The following CD8B variants were observed in gnomAD, a reference collection of about 807,000 sequenced individuals.
The protein encoded by CD8B is CD8 subunit beta, also known as T-cell surface glycoprotein CD8 beta chain.
Under a neutral mutation model 24.2 loss-of-function variants are expected in CD8B, and 6 were observed. The ratio of observed to expected loss-of-function variants is 0.25; its 90% CI spans 0.14 to 0.49. The LOEUF (loss-of-function observed/expected upper bound fraction) is 0.49, where lower values mean the gene tolerates loss of function less well. Ranked by LOEUF, CD8B falls within the 20% of genes least tolerant of loss-of-function variation. The pLI is 0.98. For synonymous variants in CD8B, 84 were observed against 108.3 expected, an observed-to-expected ratio of 0.78 and a Z score of 1.39; for missense variants, 196 against 271.3, an observed-to-expected ratio of 0.72 and a Z score of 1.95.
rs1393805545 is a variant in CD8B, at chr2:86,858,137, G to A, written c.323C>T (p.Pro108Leu). 12 of 1,613,884 alleles carry A rather than the reference G, an allele frequency of 7.4e-6. No homozygotes were observed. In the African/African-American group the frequency reaches 8.0e-5, roughly 11 times the overall value. Residue 108 changes from proline to leucine, a missense_variant, in exon 2 of 6, where the codon CCG becomes CTG. Pro to Leu is a moderately conservative substitution (Grantham distance 98, BLOSUM62 -3). Coordinates refer to ENST00000390655, the MANE Select transcript of CD8B (RefSeq NM_004931.5). ...RFILNLTSVK[P>L]EDSGIYFCMI... is the part of the protein sequence containing the mutation. Reference sequence around the variant, plus strand: ...GCAGAAGTAGATGCCACTGTCTTCCGGCTTCACGCTTGTGAGATTGAGAAT... The same window carrying A: ...GCAGAAGTAGATGCCACTGTCTTCCAGCTTCACGCTTGTGAGATTGAGAAT...
At chr2:86,826,828 T>G (rs1320660143) in intron 5 of CD8B, among the ~76,000 whole-genome samples, 3 of 151,142 alleles carry the variant, frequency 2.0e-5, no homozygotes, top group African/African-American at 4.9e-5. Context: ...TTTCTTGTTT[T>G]TTTTTTTTTT....
intron 3 of CD8B, among the ~76,000 whole-genome samples, chr2:86,851,869 T>G (rs530911495): frequency 2.2e-4 from 33 of 152,328 alleles, no homozygotes; most frequent in African/African-American, 7.9e-4. Context: ...CCAGCTGAGG[T>G]GTCTGGTGTA....
intron 2 of CD8B, among the ~76,000 whole-genome samples, chr2:86,857,229 C>T (rs1215892406): frequency 1.3e-5 from 2 of 152,308 alleles, no homozygotes; most frequent in Admixed American, 1.3e-4. Context: ...TAGGCCCTCA[C>T]AGAGAACATA....
exon 6 of CD8B, chr2:86,815,712 T>C (rs1674212816): frequency 6.4e-7 from 1 of 1,572,090 alleles, no homozygotes; most frequent in Non-Finnish European, 8.8e-7. Context: ...TACCTTCCCC[T>C]TGAGGCCTTG....
At chr2:86,825,491 A>C (rs1215518308) in intron 5 of CD8B, among the ~76,000 whole-genome samples, 1 of 152,222 alleles carries the variant, frequency 6.6e-6, no homozygotes, top group Non-Finnish European at 1.5e-5. Context: ...CCCCAGGCAC[A>C]CAAAGACAGA....
Position 86,858,183 on chromosome 2 carries a change from A to T in CD8B, c.277T>A (p.Phe93Ile). ...AGAATGAACCGGCTTGCATCCCGAA[A>T]CACAGCTATCTTCTCCTGTTCCACC... is the stretch of plus-strand genomic sequence containing the variant. Reference protein sequence around the residue: ...EEVEQEKIAVFRDASRFILNL... With the variant: ...EEVEQEKIAVIRDASRFILNL... Residue 93 changes from phenylalanine to isoleucine, a missense_variant, in exon 2 of 6, where the codon TTT (phenylalanine) becomes ATT (isoleucine). Coordinates refer to ENST00000390655, the MANE Select transcript of CD8B (RefSeq NM_004931.5). The T allele has an allele frequency of 6.2e-7, 1 of 1,613,982 alleles. No individual in the cohort carries two copies. The highest frequency in any genetic ancestry group is 8.5e-7 in the Non-Finnish European group (1 of 1,179,866).
At chr2:86,828,213 C>G (rs1674767064) in intron 5 of CD8B, among the ~76,000 whole-genome samples, 1 of 151,710 alleles carries the variant, frequency 6.6e-6, no homozygotes. Flanking sequence ...GGGCGAATGT[C>G]AATAAACAAC....
intron 3 of CD8B, among the ~76,000 whole-genome samples, chr2:86,850,926 A>C (rs1285262556): frequency 6.6e-6 from 1 of 152,058 alleles, no homozygotes; most frequent in East Asian, 1.9e-4. Flanking sequence ...CCCTGCCTCT[A>C]CTAAAAATAT....
chr2:86,853,774 C>T lies in CD8B; in HGVS notation c.404-688G>A, dbSNP rs530732215. Reference sequence around the variant, plus strand: ...AGGCTGGAGGGCAGTGGCACGATCTCGGCTCACTGCAACCTTTGCCTCCCA... The same window carrying T: ...AGGCTGGAGGGCAGTGGCACGATCTTGGCTCACTGCAACCTTTGCCTCCCA... On this transcript the variant is annotated intron_variant, in intron 2 of 5. Transcript: ENST00000390655. Among the ~76,000 whole-genome samples the T allele has an allele frequency of 3.3e-5, 5 of 152,222 alleles. No homozygotes were observed. In the South Asian group the frequency reaches 6.2e-4, roughly 19 times the overall value.
At chr2:86,861,570 C>G (rs2104594050) in intron 1 of CD8B, among the ~76,000 whole-genome samples, 1 of 152,308 alleles carries the variant, frequency 6.6e-6, no homozygotes, top group South Asian at 2.1e-4. Flanking sequence ...GCCTCCCCTT[C>G]TCCTGCGTCC....
rs1484725696 is a variant in CD8B, at chr2:86,839,985, C to T, written c.*2322G>A. Among the ~76,000 whole-genome samples, 1 of 152,214 alleles carries T rather than the reference C, an allele frequency of 6.6e-6. No homozygotes were observed. Among genetic ancestry groups the T allele is most frequent in the African/African-American group, 2.4e-5 (1 of 41,452 alleles). ...CTTGGAAGGCAGCCTGTCCCTTGTC[C>T]TCAGAGCTGATGGGCAGAGCTTTTG... On this transcript the variant is annotated 3_prime_UTR_variant, in exon 6 of 6. Transcript: ENST00000390655.
downstream of CD8B, among the ~76,000 whole-genome samples, chr2:86,836,054 C>T (rs1675163319): frequency 6.6e-6 from 1 of 151,736 alleles, no homozygotes; most frequent in Non-Finnish European, 1.5e-5. Context: ...AGGGGATTGT[C>T]CATTGTACTT....
chr2:86,851,831 C>CTG (rs375526192), intron 3 of CD8B, among the ~76,000 whole-genome samples: 10 of 151,664 alleles, frequency 6.6e-5, no homozygotes, highest in African/African-American at 7.3e-5. Flanking sequence ...GCATGTGTGT[C>CTG]TGTGTGTGTG....
Position 86,853,034 on chromosome 2 carries a change from C to G in CD8B, c.456G>C (p.Lys152Asn), listed in dbSNP as rs1428088634. The change falls in exon 3 of 6, where the codon AAG becomes AAC. Residue 152 changes from lysine (K) to asparagine (N), a missense_variant. Physicochemically the swap from Lys to Asn is moderately conservative, Grantham distance 94. Coordinates refer to ENST00000390655, the MANE Select transcript of CD8B (RefSeq NM_004931.5). ...CTGGCCTGGGTAACCGGCACACTCT[C>G]TTCTTGAGGGTGGACTTCTTGGTGG... is the stretch of plus-strand genomic sequence containing the variant. ...AQPTKKSTLK[K>N]RVCRLPRPET... is the part of the protein sequence containing the mutation. The G allele has an allele frequency of 1.9e-6, 3 of 1,542,488 alleles. No homozygotes were observed. Among genetic ancestry groups the G allele is most frequent in the Middle Eastern group, 2.0e-4 (1 of 5,050 alleles).
intron 5 of CD8B, chr2:86,815,729 G>T: frequency 7.1e-7 from 1 of 1,415,312 alleles, no homozygotes; most frequent in South Asian, 1.2e-5. Context: ...CTTGCAAAAA[G>T]AAAAACAAGA....
rs1675487315 is a variant in CD8B at position 86,842,583 on chromosome 2, T to G, written c.621-264A>C. On this transcript the variant is annotated intron_variant, in intron 5 of 5. Coordinates refer to ENST00000390655, the MANE Select transcript of CD8B (RefSeq NM_004931.5). ...TTCCTGTAGTACCTCTAAGATAATC[T>G]AAGAGAATCACAAATTTATATCAAG... 2.0e-5 allele frequency among the ~76,000 whole-genome samples: 3 copies of G among 152,152 alleles called. No individual in the cohort carries two copies. In the South Asian group the frequency reaches 6.2e-4, roughly 32 times the overall value.
intron 2 of CD8B, among the ~76,000 whole-genome samples, chr2:86,855,313 T>A (rs1476124304): frequency 6.6e-6 from 1 of 152,226 alleles, no homozygotes; most frequent in Admixed American, 6.5e-5. Context: ...GCAACTAGGA[T>A]GAAAGTGCAC....
chr2:86,854,966 C>T (rs1435188098), intron 2 of CD8B, among the ~76,000 whole-genome samples: 2 of 152,044 alleles, frequency 1.3e-5, no homozygotes, highest in Non-Finnish European at 2.9e-5. Context: ...ACTAAAAATA[C>T]AAAAATTAGT....
At chr2:86,851,852 A>G (rs958344140) in intron 3 of CD8B, among the ~76,000 whole-genome samples, 3 of 152,204 alleles carry the variant, frequency 2.0e-5, no homozygotes, top group Admixed American at 1.3e-4. Flanking sequence ...TGTATGTGGC[A>G]TACACTCCAG....
Sources: allele counts gnomAD v4.1 joint callset (sites outside exome capture counted in the v4.1 genomes callset), GRCh38; gene constraint gnomAD v4.1.1; transcripts MANE v1.5; gene names NCBI Gene and HGNC (gene_info 2026-07-23, HGNC 2026-07-21).